Variants in GSTCD observed in about 807,000 individuals in gnomAD.
GSTCD encodes glutathione S-transferase C-terminal domain-containing protein.
GSTCD carries 44 observed loss-of-function variants against 68.3 expected under a neutral mutation model. The ratio of observed to expected loss-of-function variants is 0.64; its 90% CI spans 0.51 to 0.83. The LOEUF (loss-of-function observed/expected upper bound fraction) is 0.83, where lower values mean the gene tolerates loss of function less well. Among genes scored for constraint, GSTCD ranks in the 40% least tolerant of loss-of-function variants. The pLI is 0.00. For missense variants in GSTCD, 739 were observed against 735.9 expected (o/e 1.00, Z -0.05); for synonymous variants, 273 against 255.2 (o/e 1.07, Z -0.67).
intron 5 of GSTCD, among the ~76,000 whole-genome samples, chr4:105,817,091 T>C (rs1168399392): frequency 3.3e-5 from 5 of 151,940 alleles, no homozygotes; most frequent in Non-Finnish European, 7.4e-5. Context: ...TTTAAGAACA[T>C]TGTACAATGT....
intron 5 of GSTCD, among the ~76,000 whole-genome samples, chr4:105,792,610 C>T (rs936325399): frequency 6.6e-6 from 1 of 152,008 alleles, no homozygotes; most frequent in African/African-American, 2.4e-5. Context: ...TAAATTAGAA[C>T]AGACAAGGCT....
At chr4:105,843,950 T>C (rs748975239) in intron 11 of GSTCD, among the ~76,000 whole-genome samples, 1 of 151,940 alleles carries the variant, frequency 6.6e-6, no homozygotes, top group Non-Finnish European at 1.5e-5. Context: ...GGGAATCACA[T>C]TGAGAGAAAG....
chr4:105,791,176 G>A (rs764126590), intron 5 of GSTCD, among the ~76,000 whole-genome samples: 6 of 151,844 alleles, frequency 4.0e-5, no homozygotes, highest in Admixed American at 1.3e-4. Flanking sequence ...GGCGGATCAC[G>A]AGGTCAGAAG....
chr4:105,738,694 G>A (rs960280352), intron 5 of GSTCD, among the ~76,000 whole-genome samples: 1 of 152,020 alleles, frequency 6.6e-6, no homozygotes, highest in Non-Finnish European at 1.5e-5. Flanking sequence ...GTATCCTGCA[G>A]TTTGGCTGAA....
rs935842538 is a variant in GSTCD, at chr4:105,846,760, A to C, written c.*1183A>C. ...GATCTTGGCTCACCACAACCTCTGCATTCTCCTGCCTCAGCCTCCCGAGTA... is the reference window on the plus strand; with the variant it reads ...GATCTTGGCTCACCACAACCTCTGCCTTCTCCTGCCTCAGCCTCCCGAGTA... On this transcript the variant is annotated 3_prime_UTR_variant, in exon 12 of 12. Transcript: ENST00000515279. 6.9e-6 allele frequency: 1 copy of C among 144,770 alleles called. No homozygotes were observed. The highest frequency in any genetic ancestry group is 1.5e-5 in the Non-Finnish European group (1 of 67,168). 9.0% of individuals were successfully genotyped at this position (144,770 alleles called of 1,614,324 possible). A position where few individuals can be genotyped will look rare whatever the true frequency, so the allele number is the denominator to read the frequency against.
Position 105,823,027 on chromosome 4 carries a change from G to C in GSTCD, c.1314G>C (p.Gln438His). Residue 438 changes from glutamine (Q) to histidine (H), a missense_variant, in exon 6 of 12, where the codon CAG becomes CAC. Gln to His is a conservative substitution (Grantham distance 24, BLOSUM62 0). Coordinates refer to ENST00000515279, the MANE Select transcript of GSTCD (RefSeq NM_001370181.1). ...ACCTTGTCTATGTGGTAACAAATCA[G>C]GCCAAACCTGGTGACAGAATTGTGG... The part of the protein sequence containing the change: ...LNNLVYVVTN[Q>H]AKPGDRIVDF... 1 of 1,613,854 alleles carries C rather than the reference G, an allele frequency of 6.2e-7. No homozygotes were observed.
chr4:105,710,516 A>C (rs998584281), intron 1 of GSTCD, among the ~76,000 whole-genome samples: 2 of 149,988 alleles, frequency 1.3e-5, no homozygotes, highest in Non-Finnish European at 3.0e-5. Context: ...GGCGTGAGCC[A>C]CCGCGCCCGG....
intron 5 of GSTCD, among the ~76,000 whole-genome samples, chr4:105,768,023 T>A (rs1240839702): frequency 4.0e-5 from 6 of 151,540 alleles, no homozygotes; most frequent in African/African-American, 1.5e-4. Context: ...TGAGAAGAAA[T>A]AGTGTAAAAA....
At chr4:105,740,150 C>T (rs1020027065) in intron 5 of GSTCD, among the ~76,000 whole-genome samples, 3 of 151,952 alleles carry the variant, frequency 2.0e-5, no homozygotes, top group Non-Finnish European at 4.4e-5. Flanking sequence ...GCAGTAGCCA[C>T]GTAGGCCCCA....
chr4:105,742,862 A>T (rs1733675201), intron 5 of GSTCD, among the ~76,000 whole-genome samples: 1 of 151,754 alleles, frequency 6.6e-6, no homozygotes, highest in African/African-American at 2.4e-5. Flanking sequence ...CTACAGGTGC[A>T]TGCCATCATA....
Position 105,723,751 on chromosome 4 carries a change from T to C in GSTCD, c.895-2828T>C, listed in dbSNP as rs953431882. Among the ~76,000 whole-genome samples, 85 of 151,818 alleles carry C rather than the reference T, an allele frequency of 5.6e-4. 1 individual carries two copies. Among genetic ancestry groups the C allele is most frequent in the Middle Eastern group, 3.4e-3 (1 of 294 alleles). ...ATATAAATAATTACAAAATAACTTA[T>C]AGGATGTGTACTCTGATATTTTCTA... is the stretch of plus-strand genomic sequence containing the variant. On this transcript the variant is annotated intron_variant, in intron 3 of 11. Coordinates refer to ENST00000515279, the MANE Select transcript of GSTCD (RefSeq NM_001370181.1).
intron 5 of GSTCD, among the ~76,000 whole-genome samples, chr4:105,822,614 C>G (rs2149274932): frequency 6.6e-6 from 1 of 152,180 alleles, no homozygotes; most frequent in South Asian, 2.1e-4. Context: ...ATTAATTGGA[C>G]AGTTGGTTTA....
intron 5 of GSTCD, among the ~76,000 whole-genome samples, chr4:105,778,954 T>G (rs1201230715): frequency 6.6e-6 from 1 of 152,138 alleles, no homozygotes; most frequent in South Asian, 2.1e-4. Context: ...GTTGCAGACA[T>G]GACACCCATC....
intron 5 of GSTCD, among the ~76,000 whole-genome samples, chr4:105,777,892 C>T (rs1341730979): frequency 6.6e-6 from 1 of 152,052 alleles, no homozygotes; most frequent in Non-Finnish European, 1.5e-5. Flanking sequence ...TATTAACAAT[C>T]CCTTCTACCC....
chr4:105,844,033 A>G (rs1724458430), intron 11 of GSTCD, among the ~76,000 whole-genome samples: 2 of 152,190 alleles, frequency 1.3e-5, no homozygotes, highest in Admixed American at 6.5e-5. Context: ...ATCAGCAGCT[A>G]AATTTCAGTT....
chr4:105,833,231 G>A (rs753838025), intron 8 of GSTCD, among the ~76,000 whole-genome samples: 6 of 152,276 alleles, frequency 3.9e-5, no homozygotes, highest in South Asian at 2.1e-4. Context: ...TTGGGAGGCC[G>A]AGGTGGGCGG....
intron 5 of GSTCD, among the ~76,000 whole-genome samples, chr4:105,731,544 A>G (rs1438547067): frequency 2.6e-5 from 4 of 152,212 alleles, no homozygotes; most frequent in African/African-American, 7.2e-5. Flanking sequence ...TTATTGGTGT[A>G]TAAGAATGCT....
intron 5 of GSTCD, among the ~76,000 whole-genome samples, chr4:105,775,218 C>A (rs1735007252): frequency 6.6e-6 from 1 of 152,076 alleles, no homozygotes; most frequent in South Asian, 2.1e-4. Context: ...CATTTATGTT[C>A]TTCTCTAAAC....
intron 5 of GSTCD, among the ~76,000 whole-genome samples, chr4:105,756,901 G>C (rs1734218772): frequency 6.6e-6 from 1 of 152,142 alleles, no homozygotes; most frequent in African/African-American, 2.4e-5. Context: ...GAGAACTCTA[G>C]ATCTACATGC....
Sources: allele counts gnomAD v4.1 joint callset (sites outside exome capture counted in the v4.1 genomes callset), GRCh38; gene constraint gnomAD v4.1.1; transcripts MANE v1.5; gene names NCBI Gene and HGNC (gene_info 2026-07-23, HGNC 2026-07-21).